BBX: variants seen among roughly 807,000 people sequenced by gnomAD.
BBX encodes BBX high mobility group box domain containing.
BBX carries 30 observed loss-of-function variants against 100.2 expected under a neutral mutation model. The ratio of observed to expected loss-of-function variants is 0.30; its 90% CI spans 0.22 to 0.41. The LOEUF (loss-of-function observed/expected upper bound fraction) is 0.41, where lower values mean the gene tolerates loss of function less well. BBX is among the 10% of genes least tolerant of loss of function. BBX has a pLI of 1.00. For synonymous variants in BBX, 376 were observed against 388.1 expected (o/e 0.97, Z 0.37); for missense variants, 1,023 against 1,129.8 (o/e 0.91, Z 1.35).
In BBX at chr3:107,691,692, A is replaced by G. The variant is rs566323963; in HGVS notation, c.-9-18760A>G. Among the ~76,000 whole-genome samples, 411 of 152,318 alleles carry G rather than the reference A, an allele frequency of 2.7e-3. 1 individual carries two copies. Among genetic ancestry groups the G allele is most frequent in the Non-Finnish European group, 4.5e-3 (309 of 68,024 alleles). On this transcript the variant is annotated intron_variant, in intron 3 of 17. Coordinates refer to ENST00000325805, the MANE Select transcript of BBX (RefSeq NM_001142568.3). Reference sequence around the variant, plus strand: ...AGGCTGATATAAGATGATTGGATTCATGCATTTACAAGTACTATTTATTAA... The same window carrying G: ...AGGCTGATATAAGATGATTGGATTCGTGCATTTACAAGTACTATTTATTAA...
intron 2 of BBX, among the ~76,000 whole-genome samples, chr3:107,630,197 G>T (rs1033160667): frequency 6.6e-6 from 1 of 152,078 alleles, no homozygotes; most frequent in African/African-American, 2.4e-5. Context: ...TGATTTAATT[G>T]GTTTAGGGGA....
At chr3:107,613,948 T>G (rs889893790) in intron 2 of BBX, among the ~76,000 whole-genome samples, 4 of 114,986 alleles carry the variant, frequency 3.5e-5, no homozygotes, top group African/African-American at 1.3e-4. Context: ...ATGGTTTTTT[T>G]TTTTTTTTTT....
At chr3:107,524,411 A>C (rs2047589995) in intron 1 of BBX, 1 of 152,008 alleles carries the variant, frequency 6.6e-6, no homozygotes, top group Non-Finnish European at 1.5e-5. Context: ...ACCCTCTGAA[A>C]TTTATTATCA....
intron 2 of BBX, among the ~76,000 whole-genome samples, chr3:107,584,053 AT>A (rs1326513126): frequency 3.1e-5 from 1 of 32,576 alleles, no homozygotes; most frequent in African/African-American, 1.6e-4. Context: ...TATTATATAT[AT>A]TATATATATC....
chr3:107,579,983 A>G (rs1238550122), intron 2 of BBX, among the ~76,000 whole-genome samples: 1 of 152,106 alleles, frequency 6.6e-6, no homozygotes, highest in East Asian at 1.9e-4. Flanking sequence ...TAAATTATAT[A>G]TTTATGGCGG....
chr3:107,747,336 T>C (rs1302453520), intron 8 of BBX, among the ~76,000 whole-genome samples: 1 of 152,212 alleles, frequency 6.6e-6, no homozygotes, highest in African/African-American at 2.4e-5. Context: ...TCTGGTGCCA[T>C]GCTAGGTAAC....
At chr3:107,695,955 CTTCT>C (rs1272346284) in intron 3 of BBX, among the ~76,000 whole-genome samples, 1 of 151,820 alleles carries the variant, frequency 6.6e-6, no homozygotes. Flanking sequence ...AAGTAATGGC[CTTCT>C]TTGTCTCTTT....
intron 2 of BBX, among the ~76,000 whole-genome samples, chr3:107,628,113 T>A (rs1368240385): frequency 6.6e-6 from 1 of 152,084 alleles, no homozygotes; most frequent in Non-Finnish European, 1.5e-5. Context: ...GTAGACTATC[T>A]TGATTTATCA....
At chr3:107,612,745 G>C (rs2054934155) in intron 2 of BBX, among the ~76,000 whole-genome samples, 2 of 152,152 alleles carry the variant, frequency 1.3e-5, no homozygotes. Flanking sequence ...ACCACTACTT[G>C]TCTACTGCCT....
At chr3:107,700,888 C>T (rs1252908104) in intron 3 of BBX, among the ~76,000 whole-genome samples, 1 of 151,322 alleles carries the variant, frequency 6.6e-6, no homozygotes. Context: ...GTGAATAGTG[C>T]CGCAATAAAC....
intron 3 of BBX, among the ~76,000 whole-genome samples, chr3:107,663,330 T>C (rs1386644415): frequency 6.6e-6 from 1 of 152,212 alleles, no homozygotes; most frequent in Non-Finnish European, 1.5e-5. Flanking sequence ...ATCTAAACTA[T>C]GATAATTTTT....
intron 16 of BBX, among the ~76,000 whole-genome samples, chr3:107,800,731 T>C (rs186454989): frequency 6.6e-6 from 1 of 152,342 alleles, no homozygotes; most frequent in Non-Finnish European, 1.5e-5. Flanking sequence ...CAGTTGGGTT[T>C]TTAAGGGCTC....
chr3:107,670,384 A>T (rs1261018032), intron 3 of BBX, among the ~76,000 whole-genome samples: 1 of 152,130 alleles, frequency 6.6e-6, no homozygotes, highest in African/African-American at 2.4e-5. Context: ...GACTGTAGTT[A>T]ATAATAATAT....
chr3:107,620,262 C>T (rs1161079164), intron 2 of BBX, among the ~76,000 whole-genome samples: 1 of 151,924 alleles, frequency 6.6e-6, no homozygotes, highest in African/African-American at 2.4e-5. Context: ...TCTTCTGTTT[C>T]TTTGGGGAGA....
At chr3:107,544,886 G>A (rs1347210772) in intron 2 of BBX, among the ~76,000 whole-genome samples, 2 of 151,170 alleles carry the variant, frequency 1.3e-5, no homozygotes, top group Non-Finnish European at 2.9e-5. Flanking sequence ...ACATGGTGGC[G>A]GGCACCTGTA....
chr3:107,755,988 C>T (rs2065444956), intron 10 of BBX, among the ~76,000 whole-genome samples: 3 of 152,080 alleles, frequency 2.0e-5, no homozygotes, highest in South Asian at 4.1e-4. Context: ...TGGTTATTTT[C>T]CCTTTTCTGA....
At chr3:107,801,844 G>A (rs2070522359) in intron 17 of BBX, among the ~76,000 whole-genome samples, 2 of 152,098 alleles carry the variant, frequency 1.3e-5, no homozygotes, top group Non-Finnish European at 2.9e-5. Flanking sequence ...CTGACTCATG[G>A]CAGCCAGAGG....
At position 107,744,719 on chromosome 3, in the gene BBX, T is replaced by C. The variant is rs771250632; in HGVS notation, c.750+9T>C. On this transcript the variant is annotated intron_variant, in intron 8 of 17. Coordinates refer to ENST00000325805, the MANE Select transcript of BBX (RefSeq NM_001142568.3). Reference sequence around the variant, plus strand: ...TGTTTCAGTTTGCCGAGGTAATATATTACAATTGATACTTAACTAATGAGG... The same window carrying C: ...TGTTTCAGTTTGCCGAGGTAATATACTACAATTGATACTTAACTAATGAGG... 10 of 1,602,386 alleles carry C rather than the reference T, an allele frequency of 6.2e-6. No homozygotes were observed. In the African/African-American group the frequency reaches 8.0e-5, roughly 13 times the overall value.
At position 107,619,846 on chromosome 3, in the gene BBX, C is replaced by T. The variant is rs192787622; in HGVS notation, c.-83-25990C>T. On this transcript the variant is annotated intron_variant, in intron 2 of 17. Transcript: ENST00000325805. ...CATATAAGTAAGGTGTCTTTTTTCTCTTATTGTTTTCAAGATTTGAGAGGG... is the reference window on the plus strand; with the variant it reads ...CATATAAGTAAGGTGTCTTTTTTCTTTTATTGTTTTCAAGATTTGAGAGGG... 2.7e-3 allele frequency among the ~76,000 whole-genome samples: 413 copies of T among 152,034 alleles called. 4 individuals carry two copies. The highest frequency in any genetic ancestry group is 3.2e-4 in the Non-Finnish European group (22 of 67,930).
Sources: gnomAD v4.1 joint callset for allele counts (sites outside exome capture counted in the v4.1 genomes callset) on GRCh38, gnomAD v4.1.1 for gene constraint, MANE v1.5 for transcripts, NCBI Gene and HGNC (gene_info 2026-07-23, HGNC 2026-07-21) for gene names.